The following CACNA2D3 variants were observed in gnomAD, a reference collection of about 807,000 sequenced individuals.
CACNA2D3 encodes the protein voltage-dependent calcium channel subunit alpha-2/delta-3.
Under a neutral mutation model 160.6 loss-of-function variants are expected in CACNA2D3, and 60 were observed. That is an observed-to-expected ratio of 0.37 (90% confidence interval 0.30 to 0.46). The LOEUF (loss-of-function observed/expected upper bound fraction) is 0.46, where lower values mean the gene tolerates loss of function less well. Among genes scored for constraint, CACNA2D3 ranks in the 20% least tolerant of loss-of-function variants. CACNA2D3 has a pLI of 1.00. For synonymous variants in CACNA2D3, 558 were observed against 492.9 expected, an observed-to-expected ratio of 1.13 and a Z score of -1.75; for missense variants, 1,205 against 1,365.0, an observed-to-expected ratio of 0.88 and a Z score of 1.85.
chr3:54,974,345 T>A (rs1024191903), intron 29 of CACNA2D3, among the ~76,000 whole-genome samples: 1 of 152,228 alleles, frequency 6.6e-6, no homozygotes, highest in South Asian at 2.1e-4. Context: ...TAGTTGGTGC[T>A]ATCTCCATCT....
chr3:54,260,842 G>T (rs1222457876), intron 2 of CACNA2D3, among the ~76,000 whole-genome samples: 1 of 152,016 alleles, frequency 6.6e-6, no homozygotes, highest in South Asian at 2.1e-4. Context: ...TTTCAGCTCA[G>T]ATATCATCTC....
At position 54,123,564 on chromosome 3, in the gene CACNA2D3, T is replaced by G. The variant is rs1330210788; in HGVS notation, c.174T>G (p.Ala58=). 1.2e-6 allele frequency: 2 copies of G among 1,613,698 alleles called. No homozygotes were observed. The highest frequency in any genetic ancestry group is 1.3e-5 in the African/African-American group (1 of 74,866). ...GTGGGGAGATAAAATCCATTGCTGC[T>G]AAGTACTCCGGTTCCCAGCTTCTGC... ...AFGGEIKSIA[A]KYSGSQLLQK... Residue 58 remains alanine (A), a synonymous_variant, in exon 2 of 38, where the codon GCT becomes GCG. Coordinates refer to ENST00000474759, the MANE Select transcript of CACNA2D3 (RefSeq NM_018398.3).
intron 6 of CACNA2D3, among the ~76,000 whole-genome samples, chr3:54,564,992 C>G (rs1006520899): frequency 2.0e-5 from 3 of 152,152 alleles, no homozygotes; most frequent in African/African-American, 7.2e-5. Context: ...CCTTGTCTCA[C>G]TGGCAAGTGA....
chr3:54,127,700 G>C (rs1021616722), intron 2 of CACNA2D3, among the ~76,000 whole-genome samples: 1 of 152,148 alleles, frequency 6.6e-6, no homozygotes, highest in Non-Finnish European at 1.5e-5. Context: ...TCCTTAGCAG[G>C]TTATTTTTAA....
chr3:54,817,004 G>A, intron 14 of CACNA2D3, 134 bp downstream of exon 14: 1 of 1,062,326 alleles, frequency 9.4e-7, no homozygotes, highest in African/African-American at 1.6e-5. Flanking sequence ...ACCTGAAGTT[G>A]GGCAGGAACA....
chr3:54,450,138 T>G (rs1700282622), intron 4 of CACNA2D3, among the ~76,000 whole-genome samples: 1 of 152,176 alleles, frequency 6.6e-6, no homozygotes, highest in African/African-American at 2.4e-5. Context: ...TCTCTGCCTG[T>G]ATTAATTTCC....
chr3:54,740,890 T>C (rs1239444300), intron 11 of CACNA2D3, among the ~76,000 whole-genome samples: 1 of 152,192 alleles, frequency 6.6e-6, no homozygotes, highest in Non-Finnish European at 1.5e-5. Flanking sequence ...TTGGGCAGAA[T>C]CCAAAACTCC....
At chr3:54,841,985 T>C (rs768245740) in intron 16 of CACNA2D3, among the ~76,000 whole-genome samples, 1 of 152,348 alleles carries the variant, frequency 6.6e-6, no homozygotes, top group South Asian at 2.1e-4. Flanking sequence ...TACATTAGAA[T>C]GGACAGGAAG....
intron 4 of CACNA2D3, among the ~76,000 whole-genome samples, chr3:54,451,340 A>G (rs986459195): frequency 3.0e-5 from 4 of 133,470 alleles, no homozygotes; most frequent in Admixed American, 1.8e-4. Flanking sequence ...AGCTCTGCCT[A>G]CCGGGTTCAA....
intron 11 of CACNA2D3, among the ~76,000 whole-genome samples, chr3:54,715,117 GT>G (rs1199580675): frequency 6.6e-6 from 1 of 152,202 alleles, no homozygotes; most frequent in Admixed American, 6.5e-5. Context: ...GTTGCAAGTA[GT>G]AGATTGTCAC....
chr3:54,352,587 A>C (rs1053292921), intron 3 of CACNA2D3, among the ~76,000 whole-genome samples: 1 of 152,198 alleles, frequency 6.6e-6, no homozygotes, highest in Non-Finnish European at 1.5e-5. Context: ...GCCCTTCCCA[A>C]TCGGATCAGG....
At chr3:54,376,651 A>G (rs72988031) in intron 3 of CACNA2D3, among the ~76,000 whole-genome samples, 4,816 of 152,192 alleles carry the variant, frequency 0.032, 264 homozygotes, top group African/African-American at 0.11. Flanking sequence ...CGTTATCTTC[A>G]TTGCGTCAGC....
At chr3:54,138,940 TTTG>T in intron 2 of CACNA2D3, among the ~76,000 whole-genome samples, 1 of 152,294 alleles carries the variant, frequency 6.6e-6, no homozygotes, top group South Asian at 2.1e-4. Context: ...CCCTTTTCTT[TTTG>T]TTGTTTGGGC....
chr3:54,957,035 A>T (rs1012899374), intron 27 of CACNA2D3, among the ~76,000 whole-genome samples: 3 of 152,192 alleles, frequency 2.0e-5, no homozygotes, highest in African/African-American at 7.2e-5. Context: ...TTAGCAATAA[A>T]GTTTTTTAAG....
intron 5 of CACNA2D3, among the ~76,000 whole-genome samples, chr3:54,517,382 G>T (rs1701568579): frequency 6.6e-6 from 1 of 152,222 alleles, no homozygotes; most frequent in African/African-American, 2.4e-5. Flanking sequence ...GCTGACCTCA[G>T]CTAGGAAGCA....
rs1017262852 is a variant in CACNA2D3, at chr3:54,752,605, A to G, written c.1174A>G (p.Ile392Val). The G allele has an allele frequency of 3.1e-6, 5 of 1,613,100 alleles. No homozygotes were observed. Among genetic ancestry groups the G allele is most frequent in the African/African-American group, 2.7e-5 (2 of 74,944 alleles). ...KYNWPDRKVR[I>V]FTYLIGREAA... The stretch of plus-strand genomic sequence containing the variant: ...GCGTTTGTCTTCCCTTCAGGTTCGC[A>G]TCTTCACATACCTCATTGGACGAGA... Residue 392 changes from isoleucine (I) to valine (V), a missense_variant, in exon 12 of 38, where the codon ATC becomes GTC. Ile to Val is a conservative substitution (Grantham distance 29). This residue lies in a region of CACNA2D3 where 911 missense variants were observed against 1,002.2 expected (regional missense o/e 0.91). Transcript: ENST00000474759.
At chr3:54,660,289 T>G (rs1039876384) in intron 11 of CACNA2D3, among the ~76,000 whole-genome samples, 1 of 151,978 alleles carries the variant, frequency 6.6e-6, no homozygotes, top group African/African-American at 2.4e-5. Context: ...GCCTCCTGAG[T>G]AGCTGGGACT....
Position 54,229,488 on chromosome 3 carries a change from C to T in CACNA2D3, c.205-90954C>T, listed in dbSNP as rs148084660. On this transcript the variant is annotated intron_variant, in intron 2 of 37. Transcript: ENST00000474759. ...GATTACAGGCGTGAGCCACCGTGCC[C>T]GGCCAAATTTTTTATTTTTTATTTT... 5.7e-3 allele frequency among the ~76,000 whole-genome samples: 860 copies of T among 152,174 alleles called. 28 individuals are homozygous for T. In the East Asian group the frequency reaches 0.11, roughly 19 times the overall value.
intron 35 of CACNA2D3, among the ~76,000 whole-genome samples, chr3:55,054,964 C>G: frequency 6.6e-6 from 1 of 151,972 alleles, no homozygotes; most frequent in East Asian, 1.9e-4. Context: ...GTTCTTAAAA[C>G]TTTTCTCCTT....
Sources: gnomAD v4.1 joint callset for allele counts (sites outside exome capture counted in the v4.1 genomes callset) on GRCh38, gnomAD v4.1.1 for gene constraint, gnomAD v4.1.1 regional missense constraint, MANE v1.5 for transcripts, NCBI Gene and HGNC (gene_info 2026-07-23, HGNC 2026-07-21) for gene names.